AKT1: variants seen among roughly 807,000 people sequenced by gnomAD.
The protein encoded by AKT1 is AKT serine/threonine kinase 1.
AKT1 carries 21 observed loss-of-function variants against 63.1 expected under a neutral mutation model. The ratio of observed to expected loss-of-function variants is 0.33; its 90% confidence interval spans 0.24 to 0.48. The LOEUF is 0.48. AKT1 is among the 20% of genes least tolerant of loss of function. The pLI is 0.99. For synonymous variants in AKT1, 257 were observed against 253.1 expected, an observed-to-expected ratio of 1.02 and a Z score of -0.15; for missense variants, 382 against 666.0, an observed-to-expected ratio of 0.57 and a Z score of 4.69.
At chr14:104,774,394 G>A (rs1268440833) in intron 8 of AKT1, 1 of 251,398 alleles carries the variant, frequency 4.0e-6, no homozygotes, top group African/African-American at 2.2e-5. Context: ...AGTGCTCCCA[G>A]CACCAGGGCC....
rs1480167465 is a variant in AKT1 at position 104,776,337 on chromosome 14, G to C, written c.287+322C>G. 3.3e-4 allele frequency: 82 copies of C among 245,862 alleles called. 1 individual carries two copies. Among genetic ancestry groups the C allele is most frequent in the Non-Finnish European group, 7.2e-5 (9 of 125,730 alleles). The allele number at this position is 245,862 out of a possible 1,614,324, so 15.2% of individuals were successfully genotyped here. Reference sequence around the variant, plus strand: ...AAGTTTTATATTTTTAGTAGAGACGGGGGTTTCACCATGTTGGCAGGCTAG... The same window carrying C: ...AAGTTTTATATTTTTAGTAGAGACGCGGGTTTCACCATGTTGGCAGGCTAG... On this transcript the variant is annotated intron_variant, in intron 5 of 14. Transcript: ENST00000649815.
intron 13 of AKT1, chr14:104,771,746 CAG>C: frequency 1.3e-5 from 3 of 235,950 alleles, no homozygotes; most frequent in Non-Finnish European, 2.5e-5. Flanking sequence ...CCCAGCATCT[CAG>C]AGTGCAGGCT....
Position 104,773,461 on chromosome 14 carries a change from G to A in AKT1, c.822C>T (p.Asp274=), listed in dbSNP as rs1555383496. ...LHSEKNVVYR[D]LKLENLMLDK... is the part of the protein sequence containing the mutation. ...TGCCTGCCCGCCAGCGCACCTTGAG[G>A]TCCCGGTACACCACGTTCTTCTCCG... is the stretch of plus-strand genomic sequence containing the variant. The change falls in exon 10 of 15, where the codon GAC becomes GAT. Residue 274 remains aspartate (D), a synonymous_variant. Coordinates refer to ENST00000649815, the MANE Select transcript of AKT1 (RefSeq NM_001382430.1). 3.1e-6 allele frequency: 5 copies of A among 1,613,994 alleles called. No individual in the cohort carries two copies. Among genetic ancestry groups the A allele is most frequent in the Non-Finnish European group, 4.2e-6 (5 of 1,179,926 alleles).
At chr14:104,780,564 C>A (rs1252594943) in intron 3 of AKT1, among the ~76,000 whole-genome samples, 1 of 152,212 alleles carries the variant, frequency 6.6e-6, no homozygotes, top group Non-Finnish European at 1.5e-5. Flanking sequence ...CAGCCCTAAA[C>A]CAGCCAGTCC....
rs1286175037 is a variant in AKT1, at chr14:104,770,219, C to T, written c.*122G>A. ...ACAAAAACGTCTTTCCATCTGGGCTCGAGAGGACAGCGTGGCTTCTCTCAA... is the reference window on the plus strand; with the variant it reads ...ACAAAAACGTCTTTCCATCTGGGCTTGAGAGGACAGCGTGGCTTCTCTCAA... On this transcript the variant is annotated 3_prime_UTR_variant, in exon 15 of 15. Coordinates refer to ENST00000649815, the MANE Select transcript of AKT1 (RefSeq NM_001382430.1). 7.2e-6 allele frequency: 8 copies of T among 1,117,322 alleles called. No individual in the cohort carries two copies. In the Admixed American group the frequency reaches 1.2e-4, roughly 17 times the overall value. 69.2% of individuals were successfully genotyped at this position (1,117,322 alleles called of 1,614,324 possible). A position where few individuals can be genotyped will look rare whatever the true frequency, so the allele number is the denominator to read the frequency against.
intron 13 of AKT1, 181 bp from the exon 14 acceptor site, chr14:104,771,028 G>A (rs941359046): frequency 1.6e-6 from 1 of 611,568 alleles, no homozygotes. Context: ...AGGGACATGA[G>A]GGGTGCAGGA....
chr14:104,777,403 A>AGC, intron 4 of AKT1: 1 of 393,530 alleles, frequency 2.5e-6, no homozygotes, highest in Non-Finnish European at 3.6e-6. Flanking sequence ...CCTGAGGCAC[A>AGC]CACCTGGGGC....
chr14:104,781,906 T>C (rs1893068959), intron 3 of AKT1, among the ~76,000 whole-genome samples: 1 of 152,102 alleles, frequency 6.6e-6, no homozygotes, highest in Non-Finnish European at 1.5e-5. Flanking sequence ...AGAGCACTCA[T>C]CAGGAGACCC....
chr14:104,774,245 CCCA>C (rs1338570808), intron 8 of AKT1: 4 of 539,632 alleles, frequency 7.4e-6, no homozygotes, highest in Non-Finnish European at 1.4e-5. Context: ...ACCACACTGC[CCCA>C]CACCACACTG....
intron 10 of AKT1, 31 bp downstream of exon 10, chr14:104,773,424 G>A (rs779162518): frequency 3.7e-6 from 6 of 1,613,918 alleles, no homozygotes; most frequent in African/African-American, 1.3e-5. Context: ...GGCCCCCAGG[G>A]CCCTGCCCCC....
rs17846831 is a variant in AKT1 at position 104,773,257 on chromosome 14, G to A, written c.951C>T (p.Ala317=). 8 of 1,614,216 alleles carry A rather than the reference G, an allele frequency of 5.0e-6. No individual in the cohort carries two copies. The highest frequency in any genetic ancestry group is 5.9e-6 in the Non-Finnish European group (7 of 1,180,018). ...ACGCAGGTGGGGCGCACACCTCGGG[G>A]GCCAGGTACTCAGGTGTGCCGCAAA... ...KTFCGTPEYL[A]PEVLEDNDYG... The change falls in exon 11 of 15, where the codon GCC becomes GCT. Residue 317 remains alanine (A), a synonymous_variant. Coordinates refer to ENST00000649815, the MANE Select transcript of AKT1 (RefSeq NM_001382430.1).
chr14:104,773,347 G>A lies in AKT1; in HGVS notation c.861C>T (p.His287=), dbSNP rs1159678561. ...ACAGCCCGAAGTCTGTGATCTTAAT[G>A]TGCCCGTCCTTGTCCAGCATGAGGT... The part of the protein sequence containing the change: ...LENLMLDKDG[H]IKITDFGLCK... Residue 287 remains histidine (H), a synonymous_variant, in exon 11 of 15, where the codon CAC becomes CAT. Transcript: ENST00000649815. The A allele has an allele frequency of 1.2e-6, 2 of 1,614,208 alleles. No individual in the cohort carries two copies. The highest frequency in any genetic ancestry group is 1.7e-6 in the Non-Finnish European group (2 of 1,180,012).
chr14:104,771,509 T>C (rs1188197562), intron 13 of AKT1: 2 of 231,652 alleles, frequency 8.6e-6, no homozygotes, highest in East Asian at 6.1e-5. Flanking sequence ...TGGGCAGAGG[T>C]TGAGCACTGC....
rs765349412 is a variant in AKT1, at chr14:104,792,676, C to G, written c.-33G>C. 6.2e-7 allele frequency: 1 copy of G among 1,606,306 alleles called. No homozygotes were observed. The highest frequency in any genetic ancestry group is 1.1e-5 in the South Asian group (1 of 91,076). On this transcript the variant is annotated 5_prime_UTR_variant, in exon 3 of 15. Transcript: ENST00000649815. ...GAGGCTCCCGCGACGCTCACGCGCT[C>G]CTCTCAGGCTGGCGCTCCCCGAGCC...
chr14:104,786,259 C>A (rs554960550), intron 3 of AKT1: 91 of 152,436 alleles, frequency 6.0e-4, no homozygotes, highest in Admixed American at 3.2e-3. Flanking sequence ...TTGCCAAGTG[C>A]CCTCCACCCA....
intron 14 of AKT1, 125 bp from the exon 15 acceptor site, chr14:104,770,545 G>T: frequency 9.3e-7 from 1 of 1,074,194 alleles, no homozygotes; most frequent in South Asian, 1.6e-5. Context: ...CCAGGAAACT[G>T]AGACAGGGCC....
chr14:104,772,740 T>C lies in AKT1; in HGVS notation c.1172+138A>G, dbSNP rs562929547. The stretch of plus-strand genomic sequence containing the variant: ...CTGCTTGGGCCTGAGGCTTTGGAGA[T>C]CAGCCCTGGCCAAGGACATCAAGCT... On this transcript the variant is annotated intron_variant, in intron 12 of 14. Transcript: ENST00000649815. 1.4e-5 allele frequency: 15 copies of C among 1,038,634 alleles called. No homozygotes were observed. The South Asian group carries it at 2.5e-4, about 17-fold the overall frequency. The allele number at this position is 1,038,634 out of a possible 1,614,324, so 64.3% of individuals were successfully genotyped here.
intron 3 of AKT1, among the ~76,000 whole-genome samples, chr14:104,781,630 C>T (rs1893050327): frequency 6.6e-6 from 1 of 152,212 alleles, no homozygotes; most frequent in Admixed American, 6.5e-5. Context: ...CTGCCCAATG[C>T]CCTTCCCACC....
At position 104,773,247 on chromosome 14, in the gene AKT1, A is replaced by G. The variant is rs772715345; in HGVS notation, c.957+4T>C. Reference sequence around the variant, plus strand: ...ACGCGTATGCACGCAGGTGGGGCGCACACCTCGGGGGCCAGGTACTCAGGT... The same window carrying G: ...ACGCGTATGCACGCAGGTGGGGCGCGCACCTCGGGGGCCAGGTACTCAGGT... On this transcript the variant is annotated splice_donor_region_variant and intron_variant, in intron 11 of 14. Transcript: ENST00000649815. 3.1e-6 allele frequency: 5 copies of G among 1,614,046 alleles called. 1 individual carries two copies. The South Asian group carries it at 4.4e-5, about 14-fold the overall frequency.
Sources: gnomAD v4.1 joint callset for allele counts (sites outside exome capture counted in the v4.1 genomes callset) on GRCh38, gnomAD v4.1.1 for gene constraint, MANE v1.5 for transcripts, NCBI Gene and HGNC (gene_info 2026-07-23, HGNC 2026-07-21) for gene names.